HIVEP3: variants seen among roughly 807,000 people sequenced by gnomAD.
The protein encoded by HIVEP3 is HIVEP zinc finger 3.
Under a neutral mutation model 152.8 loss-of-function variants are expected in HIVEP3, and 49 were observed. That is an observed-to-expected ratio of 0.32 (90% CI 0.26 to 0.41). HIVEP3 has a LOEUF of 0.41. HIVEP3 is among the 10% of genes least tolerant of loss of function. The pLI, the probability that HIVEP3 is intolerant of heterozygous loss-of-function variation, is 1.00. For missense variants in HIVEP3, 2,790 were observed against 3,103.3 expected, an observed-to-expected ratio of 0.90 and a Z score of 2.40; for synonymous variants, 1,269 against 1,289.0, an observed-to-expected ratio of 0.98 and a Z score of 0.33.
chr1:41,513,196 T>C lies in HIVEP3; in HGVS notation c.6025A>G (p.Ser2009Gly), dbSNP rs748896565. ...PAREPQASAP[S>G]PPGLHVDPGR... ...GGGTCCACGTGCAGGCCAGGTGGGC[T>C]TGGGGCTGAGGCCTGTGGTTCTCGG... Residue 2009 changes from serine to glycine, a missense_variant, in exon 8 of 9, where the codon AGC (serine) becomes GGC (glycine). By Grantham distance (56) the Ser-to-Gly change is moderately conservative. This residue lies in a region of HIVEP3 where 816 missense variants were observed against 806.5 expected (regional missense o/e 1.01). Coordinates refer to ENST00000372583, the MANE Select transcript of HIVEP3 (RefSeq NM_024503.5). 2 of 1,613,706 alleles carry C rather than the reference T, an allele frequency of 1.2e-6. No homozygotes were observed. Among genetic ancestry groups the C allele is most frequent in the Non-Finnish European group, 1.7e-6 (2 of 1,179,984 alleles).
chr1:41,560,233 T>C (rs1235544478), intron 5 of HIVEP3, among the ~76,000 whole-genome samples: 1 of 152,248 alleles, frequency 6.6e-6, no homozygotes, highest in Non-Finnish European at 1.5e-5. Context: ...ATGATTATTC[T>C]CATTTTCTAG....
chr1:41,797,805 G>A (rs1281164665), intron 1 of HIVEP3, among the ~76,000 whole-genome samples: 1 of 152,088 alleles, frequency 6.6e-6, no homozygotes, highest in Admixed American at 6.5e-5. Context: ...TGGCCAACAT[G>A]GTGAAACCCC....
At chr1:42,023,312 C>T (rs948552941) in intron 1 of HIVEP3, among the ~76,000 whole-genome samples, 4 of 152,134 alleles carry the variant, frequency 2.6e-5, no homozygotes, top group African/African-American at 9.7e-5. Context: ...CGGCCATCAA[C>T]CTTTTTTTAA....
intron 1 of HIVEP3, among the ~76,000 whole-genome samples, chr1:42,007,270 G>C (rs754354433): frequency 6.6e-6 from 1 of 152,170 alleles, no homozygotes; most frequent in Non-Finnish European, 1.5e-5. Flanking sequence ...GAATACCCCA[G>C]TCCTTCATGA....
chr1:41,628,961 T>C lies in HIVEP3; in HGVS notation c.-720-14A>G, dbSNP rs1197604052. 8.1e-7 allele frequency: 1 copy of C among 1,229,784 alleles called. No homozygotes were observed. The highest frequency in any genetic ancestry group is 1.0e-6 in the Non-Finnish European group (1 of 987,064). The allele number at this position is 1,229,784 out of a possible 1,614,324, so 76.2% of individuals were successfully genotyped here. ...GTGCCTCGAATCCTGCAGGAGATGATTGAGAAACATGGTCAAAGAACTTTC... is the reference window on the plus strand; with the variant it reads ...GTGCCTCGAATCCTGCAGGAGATGACTGAGAAACATGGTCAAAGAACTTTC... On this transcript the variant is annotated splice_polypyrimidine_tract_variant and intron_variant, in intron 2 of 8. Coordinates refer to ENST00000372583, the MANE Select transcript of HIVEP3 (RefSeq NM_024503.5).
intron 1 of HIVEP3, among the ~76,000 whole-genome samples, chr1:41,730,094 T>C (rs560870455): frequency 6.6e-6 from 1 of 152,356 alleles, no homozygotes; most frequent in Non-Finnish European, 1.5e-5. Context: ...GGGGCTTTCA[T>C]CTTCCTGTGG....
chr1:41,586,111 A>G (rs748685574), intron 3 of HIVEP3, among the ~76,000 whole-genome samples: 3 of 152,214 alleles, frequency 2.0e-5, no homozygotes, highest in Non-Finnish European at 4.4e-5. Flanking sequence ...CTGGCTTTGC[A>G]GCCTTTCCTT....
intron 5 of HIVEP3, among the ~76,000 whole-genome samples, chr1:41,554,450 A>G (rs1643934984): frequency 6.6e-6 from 1 of 152,124 alleles, no homozygotes; most frequent in South Asian, 2.1e-4. Flanking sequence ...TTTAGCTCAG[A>G]GAAGTTTGTT....
chr1:41,717,943 G>C lies in HIVEP3; in HGVS notation c.-800-16948C>G, dbSNP rs534188239. ...GCACACAGCAGGGCACCCATGGATG[G>C]AAGCGCATGTCCCCCTGGAGCCTGC... On this transcript the variant is annotated intron_variant, in intron 1 of 8. Transcript: ENST00000372583. Among the ~76,000 whole-genome samples, 4 of 152,344 alleles carry C rather than the reference G, an allele frequency of 2.6e-5. No homozygotes were observed. In the South Asian group the frequency reaches 8.3e-4, roughly 32 times the overall value.
At chr1:42,007,357 C>T (rs533655086) in intron 1 of HIVEP3, among the ~76,000 whole-genome samples, 2 of 152,108 alleles carry the variant, frequency 1.3e-5, no homozygotes, top group East Asian at 1.9e-4. Context: ...CATTTTTGTT[C>T]GGTTGGTTCA....
chr1:42,015,890 G>A (rs922796187), intron 1 of HIVEP3, among the ~76,000 whole-genome samples: 4 of 152,260 alleles, frequency 2.6e-5, no homozygotes, highest in Admixed American at 1.3e-4. Flanking sequence ...CATGGCAATG[G>A]CTACGTCTGC....
At chr1:41,523,703 A>G (rs1001985980) in intron 6 of HIVEP3, among the ~76,000 whole-genome samples, 2 of 152,160 alleles carry the variant, frequency 1.3e-5, no homozygotes, top group Admixed American at 1.3e-4. Context: ...TTGCCAACAG[A>G]AGAAAGGTCA....
intron 6 of HIVEP3, 114 bp downstream of exon 6, chr1:41,524,621 G>T (rs1642848084): frequency 2.0e-6 from 2 of 976,048 alleles, no homozygotes; most frequent in Admixed American, 1.9e-5. Flanking sequence ...CAGGAAATGG[G>T]GCTGCTCCAG....
At chr1:41,709,862 G>A (rs1194887187) in intron 1 of HIVEP3, among the ~76,000 whole-genome samples, 2 of 152,148 alleles carry the variant, frequency 1.3e-5, no homozygotes, top group African/African-American at 4.8e-5. Flanking sequence ...GCTTCTGCTG[G>A]CCCACTGGGA....
chr1:41,605,525 T>C (rs1317430168), intron 3 of HIVEP3, among the ~76,000 whole-genome samples: 1 of 151,380 alleles, frequency 6.6e-6, no homozygotes, highest in Non-Finnish European at 1.5e-5. Context: ...ACCTGAAAAA[T>C]ACAAAGCTTA....
intron 1 of HIVEP3, among the ~76,000 whole-genome samples, chr1:41,938,551 A>G (rs553885534): frequency 6.6e-6 from 1 of 152,290 alleles, no homozygotes; most frequent in African/African-American, 2.4e-5. Flanking sequence ...AGAACACTCA[A>G]AAAGAAAGTA....
At chr1:41,552,213 TTTA>T (rs1643901052) in intron 5 of HIVEP3, among the ~76,000 whole-genome samples, 1 of 152,158 alleles carries the variant, frequency 6.6e-6, no homozygotes, top group Non-Finnish European at 1.5e-5. Flanking sequence ...TATTTATTTA[TTTA>T]TTTTTTCATT....
At chr1:41,897,892 C>T (rs1644555378) in intron 1 of HIVEP3, among the ~76,000 whole-genome samples, 1 of 150,090 alleles carries the variant, frequency 6.7e-6, no homozygotes, top group Admixed American at 6.7e-5. Flanking sequence ...TTCTTTATTG[C>T]TGGGAGAAGG....
rs542111444 is a variant in HIVEP3, at chr1:41,638,481, C to G, written c.-720-9534G>C. Among the ~76,000 whole-genome samples, 94 of 152,266 alleles carry G rather than the reference C, an allele frequency of 6.2e-4. No individual in the cohort carries two copies. In the Middle Eastern group the frequency reaches 0.01, roughly 17 times the overall value. ...ATGGATGGTGGTGATGGGTGCATAA[C>G]TTTTTGAATGTATTTAATAACACTA... is the stretch of plus-strand genomic sequence containing the variant. On this transcript the variant is annotated intron_variant, in intron 2 of 8. Transcript: ENST00000372583.
Sources: allele counts gnomAD v4.1 joint callset (sites outside exome capture counted in the v4.1 genomes callset), GRCh38; gene constraint gnomAD v4.1.1; regional missense constraint gnomAD v4.1.1; transcripts MANE v1.5; gene names NCBI Gene and HGNC (gene_info 2026-07-23, HGNC 2026-07-21).